AJAP1: variants seen among roughly 807,000 people sequenced by gnomAD.
AJAP1 encodes adherens junction-associated protein 1.
A neutral mutation model predicts 35.0 loss-of-function variants in AJAP1; 5 were observed. That is an observed-to-expected ratio of 0.14 (90% CI 0.07 to 0.30). The LOEUF (loss-of-function observed/expected upper bound fraction) is 0.30. Among genes scored for constraint, AJAP1 ranks in the 10% least tolerant of loss-of-function variants. AJAP1 has a pLI of 1.00. For synonymous variants in AJAP1, 284 were observed against 249.3 expected (o/e 1.14, Z -1.31); for missense variants, 586 against 571.0 (o/e 1.03, Z -0.27).
chr1:4,752,323 T>A (rs1022488297), intron 2 of AJAP1, among the ~76,000 whole-genome samples: 1 of 151,914 alleles, frequency 6.6e-6, no homozygotes, highest in Non-Finnish European at 1.5e-5. Context: ...CCAGGAAAGA[T>A]GTCCAGTAGA....
At chr1:4,707,582 C>A (rs1176550853) in intron 1 of AJAP1, among the ~76,000 whole-genome samples, 3 of 152,164 alleles carry the variant, frequency 2.0e-5, no homozygotes, top group African/African-American at 7.2e-5. Context: ...TAGCATAGAT[C>A]AAGTAATCCT....
chr1:4,667,927 G>A (rs777074817), intron 1 of AJAP1, among the ~76,000 whole-genome samples: 1 of 152,190 alleles, frequency 6.6e-6, no homozygotes, highest in African/African-American at 2.4e-5. Context: ...AATGCCGTTA[G>A]GGTAAGGCCA....
At chr1:4,767,465 CATT>C (rs1641709794) in intron 2 of AJAP1, among the ~76,000 whole-genome samples, 2 of 151,666 alleles carry the variant, frequency 1.3e-5, no homozygotes, top group South Asian at 2.1e-4. Flanking sequence ...TCATCATTGC[CATT>C]ATTATCACCA....
In AJAP1 at chr1:4,785,413, T is replaced by C. The variant is rs1269456757; in HGVS notation, c.*2928T>C. The C allele has an allele frequency of 6.6e-6, 1 of 152,210 alleles. No homozygotes were observed. The highest frequency in any genetic ancestry group is 1.5e-5 in the Non-Finnish European group (1 of 68,052). 9.4% of individuals were successfully genotyped at this position (152,210 alleles called of 1,614,324 possible). A position where few individuals can be genotyped will look rare whatever the true frequency, so the allele number is the denominator to read the frequency against. On this transcript the variant is annotated 3_prime_UTR_variant, in exon 6 of 6. Coordinates refer to ENST00000378191, the MANE Select transcript of AJAP1 (RefSeq NM_018836.4). Reference sequence around the variant, plus strand: ...GAGGCAGTGTCTGTAGACGTGTTACTTTACTTTTTTAAATGGTTACCTGCT... The same window carrying C: ...GAGGCAGTGTCTGTAGACGTGTTACCTTACTTTTTTAAATGGTTACCTGCT...
chr1:4,698,268 G>A (rs1012292561), intron 1 of AJAP1, among the ~76,000 whole-genome samples: 21 of 152,044 alleles, frequency 1.4e-4, no homozygotes, highest in African/African-American at 5.1e-4. Flanking sequence ...TTGCCCCCAC[G>A]CCGCTGTCCC....
chr1:4,678,578 G>A (rs1639409461), intron 1 of AJAP1, among the ~76,000 whole-genome samples: 1 of 152,184 alleles, frequency 6.6e-6, no homozygotes, highest in Non-Finnish European at 1.5e-5. Flanking sequence ...CTCTCCAAAT[G>A]AGAACTCACA....
rs1642184075 is a variant in AJAP1 at position 4,787,801 on chromosome 1, G to A, written c.*5316G>A. ...TTGGCCCACGGGGCACGGGCACCTT[G>A]GGGATGCCATTCTTCTTGGTGCCAG... On this transcript the variant is annotated 3_prime_UTR_variant, in exon 6 of 6. Coordinates refer to ENST00000378191, the MANE Select transcript of AJAP1 (RefSeq NM_018836.4). The A allele has an allele frequency of 2.2e-6, 1 of 453,898 alleles. No homozygotes were observed. The allele number at this position is 453,898 out of a possible 1,614,324, so 28.1% of individuals were successfully genotyped here. A position where few individuals can be genotyped will look rare whatever the true frequency, so the allele number is the denominator to read the frequency against.
intron 2 of AJAP1, among the ~76,000 whole-genome samples, chr1:4,728,507 C>T (rs746397477): frequency 1.3e-5 from 2 of 152,256 alleles, no homozygotes; most frequent in East Asian, 1.9e-4. Context: ...GTGGCTGCCC[C>T]GATGCTGTGT....
intron 2 of AJAP1, among the ~76,000 whole-genome samples, chr1:4,726,135 T>TTAGAGAGAGC (rs1383016022): frequency 8.0e-6 from 1 of 125,240 alleles, no homozygotes; most frequent in African/African-American, 4.0e-5. Flanking sequence ...CCGCATAGAG[T>TTAGAGAGAGC]TGGAGAGAGC....
intron 1 of AJAP1, among the ~76,000 whole-genome samples, chr1:4,682,390 C>T (rs1374392495): frequency 6.6e-6 from 1 of 152,176 alleles, no homozygotes. Flanking sequence ...ATGCTTGGGC[C>T]CCACTTCCAC....
intron 1 of AJAP1, among the ~76,000 whole-genome samples, chr1:4,677,002 CA>C (rs905298648): frequency 6.6e-6 from 1 of 152,116 alleles, no homozygotes; most frequent in Admixed American, 6.5e-5. Flanking sequence ...ACTAAAAATA[CA>C]AAAGTTAGCT....
intron 1 of AJAP1, among the ~76,000 whole-genome samples, chr1:4,668,736 G>A (rs1314573662): frequency 1.3e-5 from 2 of 152,266 alleles, no homozygotes; most frequent in Admixed American, 6.5e-5. Flanking sequence ...TCCTGGAGCC[G>A]GGGTCCCCTG....
At chr1:4,742,598 C>G (rs976420899) in intron 2 of AJAP1, among the ~76,000 whole-genome samples, 7 of 152,174 alleles carry the variant, frequency 4.6e-5, no homozygotes, top group Non-Finnish European at 8.8e-5. Context: ...TTCCTGTTTT[C>G]TCGAAGTTCG....
intron 2 of AJAP1, among the ~76,000 whole-genome samples, chr1:4,722,088 G>A (rs1005028607): frequency 6.6e-5 from 10 of 152,228 alleles, no homozygotes; most frequent in African/African-American, 1.7e-4. Flanking sequence ...CACATTGAGG[G>A]CAGGTGACTT....
intron 2 of AJAP1, among the ~76,000 whole-genome samples, chr1:4,722,560 A>G (rs181573821): frequency 4.3e-4 from 66 of 152,284 alleles, no homozygotes; most frequent in Non-Finnish European, 7.6e-4. Flanking sequence ...CATGGTTTAA[A>G]CAGAAACCTA....
At chr1:4,732,589 T>C (rs1372470079) in intron 2 of AJAP1, among the ~76,000 whole-genome samples, 1 of 152,262 alleles carries the variant, frequency 6.6e-6, no homozygotes, top group Non-Finnish European at 1.5e-5. Flanking sequence ...CTCAGTGCTG[T>C]AACTTACTGT....
chr1:4,761,274 C>T (rs1570208575), intron 2 of AJAP1, among the ~76,000 whole-genome samples: 1 of 152,170 alleles, frequency 6.6e-6, no homozygotes, highest in Non-Finnish European at 1.5e-5. Flanking sequence ...TGGATTGATG[C>T]CTTGGTTTAG....
chr1:4,745,727 G>T (rs546656603), intron 2 of AJAP1, among the ~76,000 whole-genome samples: 1 of 152,314 alleles, frequency 6.6e-6, no homozygotes, highest in African/African-American at 2.4e-5. Flanking sequence ...AGCAGGTCAC[G>T]TGGGGATGGT....
chr1:4,759,590 C>T (rs1007461366), intron 2 of AJAP1, among the ~76,000 whole-genome samples: 4 of 152,156 alleles, frequency 2.6e-5, no homozygotes, highest in Non-Finnish European at 5.9e-5. Context: ...TGAGGACCTT[C>T]TGTACGGGGG....
Sources: allele counts gnomAD v4.1 joint callset (sites outside exome capture counted in the v4.1 genomes callset), GRCh38; gene constraint gnomAD v4.1.1; transcripts MANE v1.5; gene names NCBI Gene and HGNC (gene_info 2026-07-23, HGNC 2026-07-21).